HFM1: variants seen among roughly 807,000 people sequenced by gnomAD.
HFM1 encodes the protein helicase for meiosis 1.
HFM1 carries 169 observed loss-of-function variants against 192.1 expected under a neutral mutation model. That is an observed-to-expected ratio of 0.88 (90% CI 0.78 to 1.00). The LOEUF (loss-of-function observed/expected upper bound fraction) is 1.00. Among genes scored for constraint, HFM1 ranks in the 50% least tolerant of loss-of-function variants. The pLI, the probability that HFM1 is intolerant of heterozygous loss-of-function variation, is 0.00. For synonymous variants in HFM1, 525 were observed against 537.8 expected (o/e 0.98, Z 0.33); for missense variants, 1,661 against 1,668.0 (o/e 1.00, Z 0.07).
At chr1:91,277,899 T>TTATATATTATATATGCTTA (rs1667081513) in intron 30 of HFM1, among the ~76,000 whole-genome samples, 1 of 112,828 alleles carries the variant, frequency 8.9e-6, no homozygotes, top group African/African-American at 3.6e-5. Flanking sequence ...TTATATATGC[T>TTATATATTATATATGCTTA]TATATATAAT....
chr1:91,380,871 G>C, intron 7 of HFM1, 41 bp downstream of exon 7: 4 of 949,142 alleles, frequency 4.2e-6, no homozygotes, highest in Non-Finnish European at 6.8e-6. Context: ...TCATAACCTA[G>C]TGAAAGGTAG....
chr1:91,352,995 T>C, intron 15 of HFM1, 56 bp downstream of exon 15: 1 of 1,145,406 alleles, frequency 8.7e-7, no homozygotes, highest in South Asian at 1.4e-5. Flanking sequence ...TTTTTCCTCT[T>C]AAAAATAATT....
At chr1:91,404,770 C>CCG in intron 1 of HFM1, 28 bp downstream of exon 1, 1 of 444,804 alleles carries the variant, frequency 2.2e-6, no homozygotes, top group Non-Finnish European at 4.5e-6. Context: ...CCCACCTTCC[C>CCG]CGCGGGCGTC....
At chr1:91,288,170 G>A (rs1098470) in intron 30 of HFM1, among the ~76,000 whole-genome samples, 72,241 of 148,730 alleles carry the variant, frequency 0.49, 18,353 homozygotes, top group African/African-American at 0.65. Flanking sequence ...GAACGCCACA[G>A]AGATACTCCT....
intron 2 of HFM1, among the ~76,000 whole-genome samples, 182 bp from the exon 3 acceptor site, chr1:91,396,587 T>C (rs997167295): frequency 6.6e-6 from 1 of 152,216 alleles, no homozygotes; most frequent in African/African-American, 2.4e-5. Context: ...TATCATAGGA[T>C]TAATGATACC....
chr1:91,268,046 T>C (rs891783456), intron 34 of HFM1, among the ~76,000 whole-genome samples, 191 bp from the exon 35 acceptor site: 2 of 152,092 alleles, frequency 1.3e-5, no homozygotes, highest in African/African-American at 4.8e-5. Flanking sequence ...CATCGTAGTC[T>C]ATTGATATAT....
chr1:91,404,659 G>A (rs1057228677), intron 1 of HFM1, 139 bp downstream of exon 1: 2 of 279,486 alleles, frequency 7.2e-6, no homozygotes, highest in Admixed American at 5.4e-5. Flanking sequence ...ACAACTCGCC[G>A]CGCCCGTCCG....
intron 5 of HFM1, 148 bp downstream of exon 5, chr1:91,385,427 T>C (rs1662077402): frequency 1.4e-6 from 1 of 738,950 alleles, no homozygotes; most frequent in East Asian, 2.7e-5. Context: ...CAGCACAGCT[T>C]AGAAAATAAT....
rs750756102 is a variant in HFM1, at chr1:91,276,712, A to C, written c.3504T>G (p.Ile1168Met). ...AATATGAAGAAATTGTTGACTCTTT[A>C]ATTTCTGACTTCTGTGCAACTCCAA... ...CKIGVAQKSE[I>M]KESTISSYLS... The change falls in exon 32 of 39, where the codon ATT becomes ATG. Residue 1168 changes from isoleucine (I) to methionine (M), a missense_variant. Physicochemically the swap from Ile to Met is conservative, Grantham distance 10 (BLOSUM62 1). Transcript: ENST00000370425. The C allele has an allele frequency of 1.9e-5, 30 of 1,554,694 alleles. No homozygotes were observed. The highest frequency in any genetic ancestry group is 2.6e-5 in the Non-Finnish European group (30 of 1,153,308).
chr1:91,267,436 C>A (rs1665868746), intron 35 of HFM1, among the ~76,000 whole-genome samples: 1 of 152,170 alleles, frequency 6.6e-6, no homozygotes. Flanking sequence ...ACAAAATAGT[C>A]TGTTTCATGA....
chr1:91,313,279 A>G (rs1570913826), intron 30 of HFM1, 70 bp downstream of exon 30: 3 of 867,686 alleles, frequency 3.5e-6, no homozygotes, highest in South Asian at 2.1e-5. Flanking sequence ...TTGCAGTACT[A>G]TAACACTGAT....
intron 13 of HFM1, among the ~76,000 whole-genome samples, chr1:91,363,336 GA>G (rs1658774381): frequency 1.0e-3 from 1 of 1,002 alleles, no homozygotes; most frequent in Non-Finnish European, 2.8e-3. Context: ...AAAATTACAA[GA>G]AAAAAAACAA....
In HFM1 at chr1:91,281,291, C is replaced by A. The variant is rs949820239; in HGVS notation, c.3392-4229G>T. Among the ~76,000 whole-genome samples the A allele has an allele frequency of 1.1e-4, 16 of 152,162 alleles. No individual in the cohort carries two copies. The South Asian group carries it at 1.2e-3, about 12-fold the overall frequency. ...GTTTTCTTTCTTGAGCAGCATATTG[C>A]TTCCCCTGAAGTTTTGCAGCCTTCC... On this transcript the variant is annotated intron_variant, in intron 30 of 38. Coordinates refer to ENST00000370425, the MANE Select transcript of HFM1 (RefSeq NM_001017975.6).
chr1:91,273,892 T>C, intron 33 of HFM1, 77 bp from the exon 34 acceptor site: 1 of 777,782 alleles, frequency 1.3e-6, no homozygotes, highest in Non-Finnish European at 2.1e-6. Flanking sequence ...TTTATTCATA[T>C]AAACAAAAAT....
intron 30 of HFM1, among the ~76,000 whole-genome samples, chr1:91,302,893 C>A (rs986735087): frequency 6.6e-6 from 1 of 151,804 alleles, no homozygotes; most frequent in Non-Finnish European, 1.5e-5. Context: ...TGTAACAAAC[C>A]CGCACGTTGT....
intron 30 of HFM1, among the ~76,000 whole-genome samples, chr1:91,277,593 A>AC (rs376285535): frequency 1.7e-4 from 3 of 17,850 alleles, no homozygotes; most frequent in African/African-American, 2.1e-4. Flanking sequence ...TATATATAAT[A>AC]TATATACTTT....
intron 13 of HFM1, among the ~76,000 whole-genome samples, chr1:91,368,045 G>GA (rs1659622258): frequency 2.0e-5 from 3 of 151,970 alleles, no homozygotes; most frequent in Admixed American, 1.3e-4. Context: ...GAAGTTTAGA[G>GA]AAAAAAGAAT....
chr1:91,346,577 C>A (rs1357714395), intron 19 of HFM1, among the ~76,000 whole-genome samples: 1 of 152,120 alleles, frequency 6.6e-6, no homozygotes, highest in African/African-American at 2.4e-5. Context: ...TTTAAATTGG[C>A]TAAATATTTT....
intron 30 of HFM1, among the ~76,000 whole-genome samples, chr1:91,296,870 C>T (rs1647674168): frequency 6.6e-6 from 1 of 152,154 alleles, no homozygotes; most frequent in South Asian, 2.1e-4. Context: ...GTGAGCGATG[C>T]AGAAGACAGG....
Sources: allele counts gnomAD v4.1 joint callset (sites outside exome capture counted in the v4.1 genomes callset), GRCh38; gene constraint gnomAD v4.1.1; transcripts MANE v1.5; gene names NCBI Gene and HGNC (gene_info 2026-07-23, HGNC 2026-07-21).